TTC39B: variants seen among roughly 807,000 people sequenced by gnomAD.
TTC39B encodes the protein tetratricopeptide repeat protein 39B.
In TTC39B, 92 loss-of-function variants were observed where a neutral mutation model predicts 96.6. The observed-to-expected ratio is 0.95, with a 90% CI of 0.80 to 1.13. The LOEUF (loss-of-function observed/expected upper bound fraction) is 1.13. Among genes scored for constraint, TTC39B ranks in the 50% most tolerant of loss-of-function variants. The pLI, the probability that TTC39B is intolerant of heterozygous loss-of-function variation, is 0.00. For missense variants in TTC39B, 955 were observed against 809.3 expected (o/e 1.18, Z -2.18); for synonymous variants, 367 against 299.4 (o/e 1.23, Z -2.33).
chr9:15,197,735 C>T (rs1264007628), intron 8 of TTC39B, among the ~76,000 whole-genome samples: 1 of 151,980 alleles, frequency 6.6e-6, no homozygotes, highest in African/African-American at 2.4e-5. Context: ...ACTAGTCAAT[C>T]TTCAAAAAAG....
intron 2 of TTC39B, among the ~76,000 whole-genome samples, chr9:15,234,791 C>A (rs182931617): frequency 5.9e-5 from 9 of 151,684 alleles, no homozygotes; most frequent in African/African-American, 2.2e-4. Flanking sequence ...GGATTAAGGG[C>A]GGTGCAAGAT....
intron 2 of TTC39B, among the ~76,000 whole-genome samples, chr9:15,233,701 C>G (rs973054800): frequency 3.5e-4 from 53 of 152,268 alleles, no homozygotes; most frequent in African/African-American, 1.2e-3. Context: ...GATCTCGGCT[C>G]GCTACAACAT....
chr9:15,215,856 G>A (rs1018150073), intron 3 of TTC39B, among the ~76,000 whole-genome samples: 30 of 152,048 alleles, frequency 2.0e-4, no homozygotes, highest in African/African-American at 6.5e-4. Context: ...AGAACGAGAC[G>A]CTATCTCAAA....
chr9:15,166,007 G>T (rs1237766097), exon 20 of TTC39B: 1 of 152,070 alleles, frequency 6.6e-6, no homozygotes, highest in Non-Finnish European at 1.5e-5. Context: ...CCCAAATGGT[G>T]CCCAACAGAC....
At chr9:15,186,723 C>A (rs1454684725) in intron 15 of TTC39B, 2 of 397,094 alleles carry the variant, frequency 5.0e-6, no homozygotes, top group Non-Finnish European at 9.1e-6. Context: ...CAGAGTCTCA[C>A]TCTGTCTGTC....
intron 2 of TTC39B, among the ~76,000 whole-genome samples, chr9:15,233,359 C>A (rs35010045): frequency 2.0e-5 from 3 of 151,724 alleles, no homozygotes; most frequent in East Asian, 2.0e-4. Context: ...TCTCTCTCCC[C>A]ACGGTCTCCC....
At chr9:15,181,102 G>T (rs939871807) in intron 17 of TTC39B, among the ~76,000 whole-genome samples, 4 of 152,040 alleles carry the variant, frequency 2.6e-5, no homozygotes, top group African/African-American at 9.7e-5. Context: ...ATTTCCCCTC[G>T]AATTTTGCCC....
At chr9:15,258,034 T>C (rs963970495) in intron 2 of TTC39B, among the ~76,000 whole-genome samples, 4 of 151,724 alleles carry the variant, frequency 2.6e-5, no homozygotes, top group Non-Finnish European at 5.9e-5. Context: ...CACTCCAGCC[T>C]GGGCAATAAG....
chr9:15,292,481 C>T (rs1824223728), intron 1 of TTC39B, among the ~76,000 whole-genome samples: 1 of 152,142 alleles, frequency 6.6e-6, no homozygotes, highest in Non-Finnish European at 1.5e-5. Context: ...ATTTATTATA[C>T]TGTACTATTA....
Position 15,226,206 on chromosome 9 carries a change from A to G in TTC39B, c.276-194T>C, listed in dbSNP as rs191546962. Among the ~76,000 whole-genome samples, 225 of 152,278 alleles carry G rather than the reference A, an allele frequency of 1.5e-3. 1 individual carries two copies. The highest frequency in any genetic ancestry group is 6.8e-3 in the Middle Eastern group (2 of 294). On this transcript the variant is annotated intron_variant, in intron 2 of 19. Transcript: ENST00000512701. Reference sequence around the variant, plus strand: ...ACATTCCTGAAATACAGCCCTAATAACTTTATTTTTTCATTCTAGTACACA... The same window carrying G: ...ACATTCCTGAAATACAGCCCTAATAGCTTTATTTTTTCATTCTAGTACACA...
intron 6 of TTC39B, among the ~76,000 whole-genome samples, chr9:15,208,908 T>C (rs1284790635): frequency 3.3e-5 from 5 of 152,216 alleles, no homozygotes; most frequent in African/African-American, 7.2e-5. Flanking sequence ...CAAAACTTCC[T>C]AATAAAACAC....
chr9:15,263,177 T>A (rs1823005055), intron 2 of TTC39B, among the ~76,000 whole-genome samples: 1 of 152,140 alleles, frequency 6.6e-6, no homozygotes, highest in Non-Finnish European at 1.5e-5. Context: ...TTACAGCAAA[T>A]CTCTTCATAT....
intron 2 of TTC39B, among the ~76,000 whole-genome samples, chr9:15,233,299 C>G (rs116004677): frequency 6.6e-6 from 1 of 152,096 alleles, no homozygotes; most frequent in Non-Finnish European, 1.5e-5. Context: ...GAACACACGG[C>G]GACAAGGAGA....
At chr9:15,244,430 C>G (rs550882716) in intron 2 of TTC39B, among the ~76,000 whole-genome samples, 259 of 152,352 alleles carry the variant, frequency 1.7e-3, no homozygotes, top group Admixed American at 3.2e-3. Flanking sequence ...CTCAGTGTCC[C>G]TATCTGCAAA....
exon 20 of TTC39B, chr9:15,164,389 C>T (rs1817482292): frequency 6.6e-6 from 1 of 152,070 alleles, no homozygotes; most frequent in Non-Finnish European, 1.5e-5. Context: ...TTAATCCAAA[C>T]AAAAGTGAAA....
At chr9:15,195,612 G>A (rs903774852) in intron 8 of TTC39B, among the ~76,000 whole-genome samples, 3 of 147,018 alleles carry the variant, frequency 2.0e-5, no homozygotes, top group African/African-American at 7.5e-5. Flanking sequence ...GCAGGTTGCA[G>A]TGAGCTGAGA....
intron 2 of TTC39B, among the ~76,000 whole-genome samples, chr9:15,264,522 G>A (rs1214174796): frequency 6.6e-6 from 1 of 151,828 alleles, no homozygotes; most frequent in Non-Finnish European, 1.5e-5. Context: ...GACGTAGTTG[G>A]CAGGCGCCTA....
intron 2 of TTC39B, chr9:15,250,137 G>T: frequency 8.2e-7 from 1 of 1,225,854 alleles, no homozygotes. Flanking sequence ...GCAGCTGACA[G>T]CATCCCAGGG....
intron 9 of TTC39B, 27 bp downstream of exon 9, chr9:15,192,563 C>A: frequency 1.3e-6 from 2 of 1,572,312 alleles, no homozygotes; most frequent in African/African-American, 1.4e-5. Context: ...TACAAAAGTT[C>A]TGGTTTCTAT....
Sources: gnomAD v4.1 joint callset for allele counts (sites outside exome capture counted in the v4.1 genomes callset) on GRCh38, gnomAD v4.1.1 for gene constraint, MANE v1.5 for transcripts, NCBI Gene and HGNC (gene_info 2026-07-23, HGNC 2026-07-21) for gene names.